MYRIP: variants seen among roughly 807,000 people sequenced by gnomAD.
MYRIP encodes the protein myosin VIIA and Rab interacting protein.
MYRIP carries 49 observed loss-of-function variants against 98.0 expected under a neutral mutation model. The ratio of observed to expected loss-of-function variants is 0.50; its 90% CI spans 0.40 to 0.63. MYRIP has a LOEUF of 0.63. Among genes scored for constraint, MYRIP ranks in the 30% least tolerant of loss-of-function variants. The pLI is 0.00. For missense variants in MYRIP, 1,004 were observed against 1,058.2 expected (o/e 0.95, Z 0.71); for synonymous variants, 404 against 409.5 (o/e 0.99, Z 0.16).
chr3:39,971,247 A>C (rs749596931), intron 2 of MYRIP, among the ~76,000 whole-genome samples: 1 of 152,020 alleles, frequency 6.6e-6, no homozygotes, highest in African/African-American at 2.4e-5. Context: ...CTTGGTAGAA[A>C]AGGGAGATGA....
intron 3 of MYRIP, among the ~76,000 whole-genome samples, chr3:40,071,793 A>C (rs1948237226): frequency 6.6e-6 from 1 of 152,216 alleles, no homozygotes; most frequent in Non-Finnish European, 1.5e-5. Flanking sequence ...GAGTTGTCTC[A>C]GGAAACAAGG....
intron 2 of MYRIP, among the ~76,000 whole-genome samples, chr3:39,920,841 C>T (rs1258076084): frequency 6.6e-6 from 1 of 152,174 alleles, no homozygotes; most frequent in Non-Finnish European, 1.5e-5. Context: ...GGGAGAGTCT[C>T]CCTCCTGGGC....
At chr3:39,975,616 G>T in intron 2 of MYRIP, among the ~76,000 whole-genome samples, 1 of 151,934 alleles carries the variant, frequency 6.6e-6, no homozygotes, top group Non-Finnish European at 1.5e-5. Flanking sequence ...AAAGAACAAA[G>T]CTGGAGGCAT....
chr3:39,816,210 T>G (rs574669262), intron 1 of MYRIP, among the ~76,000 whole-genome samples: 3 of 152,018 alleles, frequency 2.0e-5, no homozygotes, highest in African/African-American at 7.3e-5. Flanking sequence ...GCCTCCTGAG[T>G]AGCTGGGACT....
intron 12 of MYRIP, among the ~76,000 whole-genome samples, chr3:40,241,083 G>A (rs1052473017): frequency 3.3e-5 from 5 of 152,150 alleles, no homozygotes; most frequent in Admixed American, 1.3e-4. Flanking sequence ...AACAGAGAAG[G>A]ACTAGCATAG....
intron 2 of MYRIP, among the ~76,000 whole-genome samples, chr3:39,953,390 C>T (rs1404984674): frequency 2.6e-5 from 4 of 152,108 alleles, no homozygotes; most frequent in Non-Finnish European, 5.9e-5. Flanking sequence ...AGAGAACTGG[C>T]TGAGTTTTTT....
chr3:39,969,679 A>G (rs1426362889), intron 2 of MYRIP, among the ~76,000 whole-genome samples: 1 of 152,160 alleles, frequency 6.6e-6, no homozygotes, highest in African/African-American at 2.4e-5. Context: ...AGCCTACTTG[A>G]TCATCGTGGA....
intron 3 of MYRIP, among the ~76,000 whole-genome samples, chr3:40,108,868 C>T (rs1372677433): frequency 6.6e-6 from 1 of 152,158 alleles, no homozygotes; most frequent in Non-Finnish European, 1.5e-5. Context: ...ATGGGTGTGC[C>T]TTTCAGATGC....
At position 40,007,343 on chromosome 3, in the gene MYRIP, T is replaced by TAAAAA. The variant is rs5848544; in HGVS notation, c.111-36699_111-36695dup. Among the ~76,000 whole-genome samples, 501 of 148,694 alleles carry TAAAAA rather than the reference T, an allele frequency of 3.4e-3. 7 individuals carry two copies. Among genetic ancestry groups the TAAAAA allele is most frequent in the African/African-American group, 0.012 (493 of 40,350 alleles). The stretch of plus-strand genomic sequence containing the variant: ...ACTTTGCATTAGTTTAAATATATGT[T>TAAAAA]AAAAAAAAAAAACCACACATGGAGA... On this transcript the variant is annotated intron_variant, in intron 2 of 16. Coordinates refer to ENST00000302541, the MANE Select transcript of MYRIP (RefSeq NM_015460.4).
rs573004959 is a variant in MYRIP, at chr3:40,019,725, CT to C, written c.111-24317del. ...GGGAAACAATTCAATCCCCCCCCCG[CT>C]TTTTTTTGTTAGACAACACATAAAA... On this transcript the variant is annotated intron_variant, in intron 2 of 16. Coordinates refer to ENST00000302541, the MANE Select transcript of MYRIP (RefSeq NM_015460.4). Among the ~76,000 whole-genome samples, 48 of 150,256 alleles carry C rather than the reference CT, an allele frequency of 3.2e-4. No individual in the cohort carries two copies. The East Asian group carries it at 6.5e-3, about 20-fold the overall frequency.
intron 1 of MYRIP, among the ~76,000 whole-genome samples, chr3:39,824,626 A>G (rs962605136): frequency 3.3e-5 from 5 of 151,066 alleles, no homozygotes; most frequent in African/African-American, 1.2e-4. Flanking sequence ...TTTTGTAGCC[A>G]TTGTAAATGG....
intron 3 of MYRIP, among the ~76,000 whole-genome samples, chr3:40,077,907 G>A (rs957829575): frequency 1.6e-5 from 2 of 123,812 alleles, no homozygotes; most frequent in Admixed American, 7.9e-5. Context: ...TGCCAGTCCC[G>A]CGCCCTGCGC....
At chr3:40,134,833 G>A (rs1389770811) in intron 3 of MYRIP, among the ~76,000 whole-genome samples, 2 of 152,200 alleles carry the variant, frequency 1.3e-5, no homozygotes, top group East Asian at 3.8e-4. Context: ...CTGACTGTTA[G>A]AAGGAAAACT....
chr3:40,243,587 C>A (rs895072235), intron 12 of MYRIP, among the ~76,000 whole-genome samples: 7 of 152,112 alleles, frequency 4.6e-5, no homozygotes, highest in Admixed American at 2.6e-4. Context: ...ACCTCAAGAA[C>A]CTCTCTTTAA....
At chr3:39,864,739 G>A (rs1942574149) in intron 1 of MYRIP, among the ~76,000 whole-genome samples, 1 of 152,138 alleles carries the variant, frequency 6.6e-6, no homozygotes, top group South Asian at 2.1e-4. Context: ...GCAATTTACA[G>A]ATTTAATGCT....
chr3:40,056,808 G>T (rs2371139), intron 3 of MYRIP, among the ~76,000 whole-genome samples: 5,189 of 152,206 alleles, frequency 0.034, 146 homozygotes, highest in Admixed American at 0.068. Flanking sequence ...GAAGCAGGTT[G>T]GGTACCTTCC....
rs181245806 is a variant in MYRIP, at chr3:39,834,371, A to G, written c.-31+24455A>G. Among the ~76,000 whole-genome samples the G allele has an allele frequency of 1.5e-3, 223 of 152,346 alleles. 6 individuals carry two copies. The highest frequency in any genetic ancestry group is 0.012 in the Admixed American group (188 of 15,296). ...GTCATTTATAACAGAGTAGTTAGATATTTTGCTTTAACTCATGAAGAAAGG... is the reference window on the plus strand; with the variant it reads ...GTCATTTATAACAGAGTAGTTAGATGTTTTGCTTTAACTCATGAAGAAAGG... On this transcript the variant is annotated intron_variant, in intron 1 of 16. Coordinates refer to ENST00000302541, the MANE Select transcript of MYRIP (RefSeq NM_015460.4).
intron 15 of MYRIP, among the ~76,000 whole-genome samples, chr3:40,250,920 T>C (rs1953357753): frequency 6.6e-6 from 1 of 152,226 alleles, no homozygotes; most frequent in Admixed American, 6.5e-5. Flanking sequence ...GAGTTACTTC[T>C]AGAGGTATTA....
At chr3:40,018,642 G>A (rs527305465) in intron 2 of MYRIP, among the ~76,000 whole-genome samples, 1 of 152,048 alleles carries the variant, frequency 6.6e-6, no homozygotes, top group African/African-American at 2.4e-5. Flanking sequence ...TGCTTCCACT[G>A]CCACCTCCCT....
Sources: allele counts gnomAD v4.1 joint callset (sites outside exome capture counted in the v4.1 genomes callset), GRCh38; gene constraint gnomAD v4.1.1; transcripts MANE v1.5; gene names NCBI Gene and HGNC (gene_info 2026-07-23, HGNC 2026-07-21).